Variants in SLC25A25 observed in about 807,000 individuals in gnomAD.
The protein encoded by SLC25A25 is mitochondrial adenyl nucleotide antiporter SLC25A25.
SLC25A25 carries 32 observed loss-of-function variants against 57.7 expected under a neutral mutation model. The observed-to-expected ratio is 0.55, with a 90% CI of 0.42 to 0.74. SLC25A25 has a LOEUF of 0.74. Ranked by LOEUF, SLC25A25 falls within the 30% of genes least tolerant of loss-of-function variation. The pLI is 0.00. For synonymous variants in SLC25A25, 306 were observed against 291.2 expected (o/e 1.05, Z -0.52); for missense variants, 556 against 701.3 (o/e 0.79, Z 2.34).
chr9:128,104,141 C>T (rs1184769713), intron 6 of SLC25A25, among the ~76,000 whole-genome samples: 5 of 152,130 alleles, frequency 3.3e-5, no homozygotes, highest in Non-Finnish European at 7.4e-5. Flanking sequence ...GTTTTGTGTA[C>T]GTTACCCCAC....
At chr9:128,080,916 G>A (rs556355575) in intron 1 of SLC25A25, among the ~76,000 whole-genome samples, 1 of 152,284 alleles carries the variant, frequency 6.6e-6, no homozygotes, top group South Asian at 2.1e-4. Flanking sequence ...TTGTAGGGGG[G>A]ATCTTAGGGA....
Position 128,102,445 on chromosome 9 carries a change from C to G in SLC25A25, c.588C>G (p.Asn196Lys). 6.2e-7 allele frequency: 1 copy of G among 1,614,028 alleles called. No individual in the cohort carries two copies. Among genetic ancestry groups the G allele is most frequent in the Non-Finnish European group, 8.5e-7 (1 of 1,179,966 alleles). ...RDYHLLHPVE[N>K]IPEIILYWKH... The stretch of plus-strand genomic sequence containing the variant: ...ACCACCTCCTCCACCCCGTGGAAAA[C>G]ATCCCCGAGATCATCCTCTACTGGA... Residue 196 changes from asparagine (N) to lysine (K), a missense_variant, in exon 5 of 11, where the codon AAC becomes AAG. Transcript: ENST00000373069. This position sits in a 1 kb window ranked among gnomAD's most constrained non-coding sequence, Gnocchi z 4.1.
chr9:128,074,109 G>A (rs1246621788), intron 1 of SLC25A25, among the ~76,000 whole-genome samples: 1 of 151,490 alleles, frequency 6.6e-6, no homozygotes, highest in Non-Finnish European at 1.5e-5. Flanking sequence ...GTGCAATCTC[G>A]GCTCACTGCA....
intron 1 of SLC25A25, chr9:128,098,658 A>G (rs1468333131): frequency 6.2e-7 from 1 of 1,614,016 alleles, no homozygotes; most frequent in Non-Finnish European, 8.5e-7. Flanking sequence ...GCCGAGCTGA[A>G]GTCCATTTTC....
At chr9:128,073,733 G>T (rs1832951694) in intron 1 of SLC25A25, among the ~76,000 whole-genome samples, 1 of 150,978 alleles carries the variant, frequency 6.6e-6, no homozygotes, top group Non-Finnish European at 1.5e-5. Context: ...AAGTCAACTA[G>T]AATACTTTTT....
intron 1 of SLC25A25, among the ~76,000 whole-genome samples, chr9:128,087,774 T>C (rs1833310765): frequency 6.6e-6 from 1 of 152,238 alleles, no homozygotes; most frequent in African/African-American, 2.4e-5. Context: ...TCTATTGCTG[T>C]GTCTTCAAGT....
chr9:128,081,239 C>G (rs149904277), intron 1 of SLC25A25, among the ~76,000 whole-genome samples: 66 of 152,336 alleles, frequency 4.3e-4, no homozygotes, highest in African/African-American at 1.6e-3. Context: ...CTTGACCTCT[C>G]TCCTGCCTGC....
rs528616553 is a variant in SLC25A25 at position 128,091,630 on chromosome 9, C to A, written c.262-9466C>A. ...GTTTTTATTGAAGAAGCTCCAGCTG[C>A]TTTCTCCTTATTGCCGGCAGCCTGG... On this transcript the variant is annotated intron_variant, in intron 1 of 10. Coordinates refer to ENST00000373069, the MANE Select transcript of SLC25A25 (RefSeq NM_001330988.2). 4 of 1,183,024 alleles carry A rather than the reference C, an allele frequency of 3.4e-6. No individual in the cohort carries two copies. The South Asian group carries it at 1.2e-4, about 37-fold the overall frequency. 73.3% of individuals were successfully genotyped at this position (1,183,024 alleles called of 1,614,324 possible).
At position 128,101,115 on chromosome 9, in the gene SLC25A25, A is replaced by C; in HGVS notation, c.281A>C (p.Asp94Ala). 1 of 1,614,246 alleles carries C rather than the reference A, an allele frequency of 6.2e-7. No individual in the cohort carries two copies. Among genetic ancestry groups the C allele is most frequent in the Non-Finnish European group, 8.5e-7 (1 of 1,180,046 alleles). The change falls in exon 2 of 11, where the codon GAT becomes GCT. Residue 94 changes from aspartate to alanine, a missense_variant. Around this residue, in one of 3 missense-constraint regions of SLC25A25, gnomAD observed 248 missense variants for 273.5 expected, o/e 0.91. Coordinates refer to ENST00000373069, the MANE Select transcript of SLC25A25 (RefSeq NM_001330988.2). This position sits in a 1 kb window ranked among gnomAD's most constrained non-coding sequence, Gnocchi z 4.9. ...GELQKIVQAG[D>A]KDLDGQLDFE... ...TTCTAGAAAATTGTACAAGCTGGAGATAAGGACCTTGATGGGCAGCTAGAC... is the reference window on the plus strand; with the variant it reads ...TTCTAGAAAATTGTACAAGCTGGAGCTAAGGACCTTGATGGGCAGCTAGAC...
intron 1 of SLC25A25, chr9:128,091,996 A>C: frequency 6.2e-7 from 1 of 1,614,002 alleles, no homozygotes; most frequent in Non-Finnish European, 8.5e-7. Context: ...ACCAGATGGC[A>C]AGCTTTTTGG....
At position 128,105,434 on chromosome 9, in the gene SLC25A25, G is replaced by A. The variant is rs537347845; in HGVS notation, c.784-295G>A. 4.7e-3 allele frequency among the ~76,000 whole-genome samples: 721 copies of A among 151,914 alleles called. 9 individuals carry two copies. The highest frequency in any genetic ancestry group is 0.033 in the Admixed American group (497 of 15,242). Reference sequence around the variant, plus strand: ...GATCCACCTGCCTCAGCCTCCCAAAGTGCTGGGATTACAGGCATGAGCCAC... The same window carrying A: ...GATCCACCTGCCTCAGCCTCCCAAAATGCTGGGATTACAGGCATGAGCCAC... On this transcript the variant is annotated intron_variant, in intron 6 of 10. Transcript: ENST00000373069.
intron 1 of SLC25A25, chr9:128,098,986 G>C: frequency 3.0e-6 from 3 of 985,420 alleles, no homozygotes; most frequent in Non-Finnish European, 3.6e-6. Flanking sequence ...TCCTTTTGCT[G>C]GAATGAGGGG....
In SLC25A25 at chr9:128,099,335, G is replaced by C; in HGVS notation, c.262-1761G>C. The C allele has an allele frequency of 7.9e-7, 1 of 1,262,702 alleles. No homozygotes were observed. Among genetic ancestry groups the C allele is most frequent in the South Asian group, 1.3e-5 (1 of 78,208 alleles). 78.2% of individuals were successfully genotyped at this position (1,262,702 alleles called of 1,614,324 possible). A position where few individuals can be genotyped will look rare whatever the true frequency, so the allele number is the denominator to read the frequency against. ...AGGAAGGAGACAGAAGGAGGCCCAG[G>C]CCCTGTGAGGCAGAAGCAAGCACTT... On this transcript the variant is annotated intron_variant, in intron 1 of 10. Coordinates refer to ENST00000373069, the MANE Select transcript of SLC25A25 (RefSeq NM_001330988.2). This position sits in a 1 kb window ranked among gnomAD's most constrained non-coding sequence, Gnocchi z 6.8.
rs143968771 is a variant in SLC25A25 at position 128,093,386 on chromosome 9, G to A, written c.262-7710G>A. On this transcript the variant is annotated intron_variant, in intron 1 of 10. Coordinates refer to ENST00000373069, the MANE Select transcript of SLC25A25 (RefSeq NM_001330988.2). ...GACCTGCTTGCCTTATTACTACCTCGAATGGCCGGCTCCTTTTAAAATCAC... is the reference window on the plus strand; with the variant it reads ...GACCTGCTTGCCTTATTACTACCTCAAATGGCCGGCTCCTTTTAAAATCAC... 3.8e-3 allele frequency among the ~76,000 whole-genome samples: 584 copies of A among 152,312 alleles called. 7 individuals are homozygous for A. The highest frequency in any genetic ancestry group is 0.013 in the African/African-American group (561 of 41,564).
chr9:128,093,192 G>A (rs969178054), intron 1 of SLC25A25, among the ~76,000 whole-genome samples: 10 of 149,120 alleles, frequency 6.7e-5, no homozygotes, highest in African/African-American at 2.0e-4. Context: ...AGAAGTCTTC[G>A]TCTTTGATGG....
chr9:128,101,867 C>T lies in SLC25A25; in HGVS notation c.477-213C>T, dbSNP rs994588327. ...CTCATGGAACAGCCCTGGGAGTTGC[C>T]GTCTGTCCTGGCTGGACCTTCCGGA... On this transcript the variant is annotated intron_variant, in intron 3 of 10. Transcript: ENST00000373069. The surrounding 1 kb of genome is among the most constrained non-coding windows in gnomAD (Gnocchi z 4.9). 1.3e-5 allele frequency among the ~76,000 whole-genome samples: 2 copies of T among 152,172 alleles called. No individual in the cohort carries two copies. Among genetic ancestry groups the T allele is most frequent in the Non-Finnish European group, 2.9e-5 (2 of 68,028 alleles).
intron 1 of SLC25A25, chr9:128,100,763 C>T (rs113046457): frequency 3.3e-6 from 1 of 301,528 alleles, no homozygotes; most frequent in Non-Finnish European, 6.3e-6. Flanking sequence ...GGCTGTACGG[C>T]ACGCAGGTCT....
chr9:128,076,494 C>A (rs1833019122), intron 1 of SLC25A25, among the ~76,000 whole-genome samples: 1 of 146,546 alleles, frequency 6.8e-6, no homozygotes. Context: ...GAGACAGAGT[C>A]TCTCTCTCTC....
intron 1 of SLC25A25, among the ~76,000 whole-genome samples, chr9:128,083,031 A>G (rs1234508370): frequency 6.6e-6 from 1 of 151,180 alleles, no homozygotes; most frequent in African/African-American, 2.4e-5. Flanking sequence ...GTTCAAGACC[A>G]GCCTGGCCAA....
Sources: gnomAD v4.1 joint callset for allele counts (sites outside exome capture counted in the v4.1 genomes callset) on GRCh38, gnomAD v4.1.1 for gene constraint, gnomAD v4.1.1 regional missense constraint, Gnocchi (gnomAD v3.1) non-coding constraint, MANE v1.5 for transcripts, NCBI Gene and HGNC (gene_info 2026-07-23, HGNC 2026-07-21) for gene names.